C1orf35: variants seen among roughly 807,000 people sequenced by gnomAD.
C1orf35 encodes chromosome 1 open reading frame 35, also known as multiple myeloma tumor-associated protein 2.
In C1orf35, 36 loss-of-function variants were observed where a neutral mutation model predicts 30.9. That is an observed-to-expected ratio of 1.16 (90% CI 0.89 to 1.54). C1orf35 has a LOEUF of 1.54. Among genes scored for constraint, C1orf35 ranks in the 40% most tolerant of loss-of-function variants. The pLI, the probability that C1orf35 is intolerant of heterozygous loss-of-function variation, is 0.00. For missense variants in C1orf35, 396 were observed against 358.7 expected (o/e 1.10, Z -0.84); for synonymous variants, 179 against 148.2 (o/e 1.21, Z -1.51).
Position 228,101,599 on chromosome 1 carries a change from T to C in C1orf35, c.534-126A>G. The C allele has an allele frequency of 2.0e-6, 3 of 1,516,898 alleles. 1 individual carries two copies. The South Asian group carries it at 3.9e-5, about 20-fold the overall frequency. The allele number at this position is 1,516,898 out of a possible 1,614,324, so 94.0% of individuals were successfully genotyped here. A position where few individuals can be genotyped will look rare whatever the true frequency, so the allele number is the denominator to read the frequency against. ...CGTCTTTAAATCAGTTAAATCAAAC[T>C]ACAAATTCCACTCCTCAGTTACGTA... On this transcript the variant is annotated intron_variant, in intron 6 of 7. Transcript: ENST00000272139.
Position 228,100,883 on chromosome 1 carries a change from T to C in C1orf35, c.*248A>G, listed in dbSNP as rs190705272. On this transcript the variant is annotated 3_prime_UTR_variant, in exon 8 of 8. Coordinates refer to ENST00000272139, the MANE Select transcript of C1orf35 (RefSeq NM_024319.4). Reference sequence around the variant, plus strand: ...GGAGTCCAGCCTCTACTGATAAATCTGGGCAGGTTCACCTTCGCAGGCCAA... The same window carrying C: ...GGAGTCCAGCCTCTACTGATAAATCCGGGCAGGTTCACCTTCGCAGGCCAA... 2.5e-4 allele frequency: 144 copies of C among 567,324 alleles called. 3 individuals carry two copies. In the Middle Eastern group the frequency reaches 5.3e-3, roughly 21 times the overall value. The allele number at this position is 567,324 out of a possible 1,614,324, so 35.1% of individuals were successfully genotyped here. A position where few individuals can be genotyped will look rare whatever the true frequency, so the allele number is the denominator to read the frequency against.
At position 228,102,720 on chromosome 1, in the gene C1orf35, G is replaced by C. The variant is rs374296216; in HGVS notation, c.246-32C>G. The C allele has an allele frequency of 1.1e-5, 17 of 1,594,938 alleles. No homozygotes were observed. In the East Asian group the frequency reaches 2.7e-4, roughly 25 times the overall value. On this transcript the variant is annotated intron_variant, in intron 2 of 7. Coordinates refer to ENST00000272139, the MANE Select transcript of C1orf35 (RefSeq NM_024319.4). Reference sequence around the variant, plus strand: ...GAGGGCCGGGGCAGGCGTCAGGACGGACGGACCTCCTCCCACCACAGGTCC... The same window carrying C: ...GAGGGCCGGGGCAGGCGTCAGGACGCACGGACCTCCTCCCACCACAGGTCC...
Position 228,102,115 on chromosome 1 carries a change from C to G in C1orf35, c.498G>C (p.Arg166Ser). 6.3e-7 allele frequency: 1 copy of G among 1,582,324 alleles called. No homozygotes were observed. The highest frequency in any genetic ancestry group is 8.5e-7 in the Non-Finnish European group (1 of 1,172,062). ...GGPGTSAASA[R>S]RKPRAEDQTE... is the part of the protein sequence containing the mutation. ...TCTGATCCTCCGCCCGCGGCTTCCT[C>G]CTGGCCGAGGCTGCCGAGGTCCCGG... The change falls in exon 6 of 8, where the codon AGG (arginine) becomes AGC (serine). Residue 166 changes from arginine to serine, a missense_variant. Physicochemically the swap from Arg to Ser is moderately radical, Grantham distance 110. Coordinates refer to ENST00000272139, the MANE Select transcript of C1orf35 (RefSeq NM_024319.4).
intron 6 of C1orf35, 75 bp downstream of exon 6, chr1:228,102,005 C>T: frequency 2.1e-6 from 3 of 1,438,386 alleles, no homozygotes; most frequent in Non-Finnish European, 2.7e-6. Context: ...TGCCACCTGC[C>T]CGAGTGGGAG....
rs61825155 is a variant in C1orf35, at chr1:228,102,332, T to C, written c.425A>G (p.Lys142Arg). 22,168 of 1,611,494 alleles carry C rather than the reference T, an allele frequency of 0.014. 182 individuals carry two copies. Among genetic ancestry groups the C allele is most frequent in the Non-Finnish European group, 0.016 (18,936 of 1,179,684 alleles). Residue 142 changes from lysine to arginine, a missense_variant, in exon 5 of 8, where the codon AAA becomes AGA. Lys to Arg is a conservative substitution (Grantham distance 26). Transcript: ENST00000272139. ...AMSREDKEAAKLGLSVFTHHR... is the reference protein window; with the variant it reads ...AMSREDKEAARLGLSVFTHHR... ...TACCGTGAACACAGACAGCCCCAGT[T>C]TGGCGGCCTCCTTGTCCTCTCGGGA...
At chr1:228,101,577 C>T (rs916871672) in intron 6 of C1orf35, 104 bp from the exon 7 acceptor site, 2 of 1,542,452 alleles carry the variant, frequency 1.3e-6, no homozygotes, top group South Asian at 1.2e-5. Context: ...ACAAGTGCGT[C>T]TTTAAATCAG....
chr1:228,101,320 G>A lies in C1orf35; in HGVS notation c.668+19C>T, dbSNP rs373110538. On this transcript the variant is annotated intron_variant, in intron 7 of 7. Coordinates refer to ENST00000272139, the MANE Select transcript of C1orf35 (RefSeq NM_024319.4). ...ACCAGGCCCCCACCCCCAAGAGGCA[G>A]ATATGGACCAGGGCATACCTCTCAG... 17 of 1,614,092 alleles carry A rather than the reference G, an allele frequency of 1.1e-5. No homozygotes were observed. The South Asian group carries it at 1.6e-4, about 16-fold the overall frequency.
In C1orf35 at chr1:228,100,987, TA is replaced by T. The variant is rs1356284865; in HGVS notation, c.*143del. The T allele has an allele frequency of 8.1e-7, 1 of 1,238,292 alleles. No individual in the cohort carries two copies. The highest frequency in any genetic ancestry group is 2.2e-5 in the Admixed American group (1 of 45,018). The allele number at this position is 1,238,292 out of a possible 1,614,324, so 76.7% of individuals were successfully genotyped here. ...GCTCCAGAGCTAGCTGTCAAGTCTT[TA>T]GCCCCACAGGCTGGTGCCCAGAGCC... On this transcript the variant is annotated 3_prime_UTR_variant, in exon 8 of 8. Transcript: ENST00000272139.
chr1:228,101,974 G>A, intron 6 of C1orf35, 106 bp downstream of exon 6: 2 of 1,429,330 alleles, frequency 1.4e-6, no homozygotes, highest in Non-Finnish European at 9.1e-7. Flanking sequence ...CCACCCGCCG[G>A]GCCGGTGCGC....
At position 228,102,067 on chromosome 1, in the gene C1orf35, G is replaced by A. The variant is rs773046979; in HGVS notation, c.533+13C>T. On this transcript the variant is annotated intron_variant, in intron 6 of 7. Coordinates refer to ENST00000272139, the MANE Select transcript of C1orf35 (RefSeq NM_024319.4). ...ACCCCGGGGCACAGCTAGCCCAGGT[G>A]GCACAGCCTCACCTGCTTTCCGTCT... The A allele has an allele frequency of 6.4e-7, 1 of 1,551,844 alleles. No individual in the cohort carries two copies. Among genetic ancestry groups the A allele is most frequent in the Non-Finnish European group, 8.7e-7 (1 of 1,155,882 alleles).
Position 228,102,327 on chromosome 1 carries a change from C to A in C1orf35, c.430G>T (p.Gly144Trp). Residue 144 changes from glycine (G) to tryptophan (W), a missense_variant, in exon 5 of 8, where the codon GGG (glycine) becomes TGG (tryptophan). Physicochemically the swap from Gly to Trp is radical, Grantham distance 184 (BLOSUM62 -2). Transcript: ENST00000272139. ...GGGATTACCGTGAACACAGACAGCC[C>A]CAGTTTGGCGGCCTCCTTGTCCTCT... Reference protein sequence around the residue: ...SREDKEAAKLGLSVFTHHRVE... With the variant: ...SREDKEAAKLWLSVFTHHRVE... The A allele has an allele frequency of 3.7e-6, 6 of 1,611,652 alleles. No homozygotes were observed. The highest frequency in any genetic ancestry group is 1.1e-5 in the South Asian group (1 of 91,058).
chr1:228,102,994 C>A lies in C1orf35; in HGVS notation c.150G>T (p.Trp50Cys). Residue 50 changes from tryptophan (W) to cysteine (C), a missense_variant, in exon 2 of 8, where the codon TGG (tryptophan) becomes TGT (cysteine). Coordinates refer to ENST00000272139, the MANE Select transcript of C1orf35 (RefSeq NM_024319.4). ...GRWQKGRDLT[W>C]YAKGRAPCAG... ...CGCATGGCGCCCGGCCCTTGGCGTA[C>A]CAGGTGAGGTCGCGGCCCTTCTGCC... 1 of 1,553,832 alleles carries A rather than the reference C, an allele frequency of 6.4e-7. No homozygotes were observed. Among genetic ancestry groups the A allele is most frequent in the Non-Finnish European group, 8.7e-7 (1 of 1,154,346 alleles).
In C1orf35 at chr1:228,101,118, C is replaced by T; in HGVS notation, c.*13G>A. ...TTCAGGGTCCCACAACAGCAGTGAG[C>T]AGGGTCCAGCCATCAGGCCTCAGAG... On this transcript the variant is annotated 3_prime_UTR_variant, in exon 8 of 8. Coordinates refer to ENST00000272139, the MANE Select transcript of C1orf35 (RefSeq NM_024319.4). 2 of 1,611,770 alleles carry T rather than the reference C, an allele frequency of 1.2e-6. No individual in the cohort carries two copies. The highest frequency in any genetic ancestry group is 1.3e-5 in the African/African-American group (1 of 75,016).
rs777958484 is a variant in C1orf35 at position 228,102,704 on chromosome 1, G to C, written c.246-16C>G. On this transcript the variant is annotated splice_polypyrimidine_tract_variant and intron_variant, in intron 2 of 7. Coordinates refer to ENST00000272139, the MANE Select transcript of C1orf35 (RefSeq NM_024319.4). ...CTTGTAGCCACTGCGAGAGGGCCGGGGCAGGCGTCAGGACGGACGGACCTC... is the reference window on the plus strand; with the variant it reads ...CTTGTAGCCACTGCGAGAGGGCCGGCGCAGGCGTCAGGACGGACGGACCTC... 12 of 1,603,536 alleles carry C rather than the reference G, an allele frequency of 7.5e-6. No individual in the cohort carries two copies. Among genetic ancestry groups the C allele is most frequent in the African/African-American group, 1.3e-5 (1 of 74,590 alleles).
chr1:228,101,732 T>C lies in C1orf35; in HGVS notation c.534-259A>G, dbSNP rs887678091. ...TGCCCTTGGCAGGTTGACACCTTCC[T>C]ACCTGCACCCACCAGGCCACTCTTA... On this transcript the variant is annotated intron_variant, in intron 6 of 7. Transcript: ENST00000272139. 3.5e-6 allele frequency: 5 copies of C among 1,412,158 alleles called. No homozygotes were observed. The African/African-American group carries it at 7.2e-5, about 20-fold the overall frequency. The allele number at this position is 1,412,158 out of a possible 1,614,324, so 87.5% of individuals were successfully genotyped here.
Position 228,101,269 on chromosome 1 carries a change from G to A in C1orf35, c.669-15C>T. 6.2e-7 allele frequency: 1 copy of A among 1,614,132 alleles called. No homozygotes were observed. The highest frequency in any genetic ancestry group is 8.5e-7 in the Non-Finnish European group (1 of 1,180,026). ...GGTGCCTGGGCCTGGGGAGACCAAT[G>A]GCAGTCAGTCACTCGGAAGGAGTCA... On this transcript the variant is annotated splice_polypyrimidine_tract_variant and intron_variant, in intron 7 of 7. Coordinates refer to ENST00000272139, the MANE Select transcript of C1orf35 (RefSeq NM_024319.4).
At position 228,101,480 on chromosome 1, in the gene C1orf35, G is replaced by C. The variant is rs2032944983; in HGVS notation, c.534-7C>G. 6.2e-7 allele frequency: 1 copy of C among 1,611,132 alleles called. No homozygotes were observed. Among genetic ancestry groups the C allele is most frequent in the Admixed American group, 1.7e-5 (1 of 59,924 alleles). On this transcript the variant is annotated splice_polypyrimidine_tract_variant and splice_region_variant and intron_variant, in intron 6 of 7. Coordinates refer to ENST00000272139, the MANE Select transcript of C1orf35 (RefSeq NM_024319.4). ...TTTCCTGTGGCTCTCACAACTACAAGGAGGATACAAGGTGTGCCTCAGACC... is the reference window on the plus strand; with the variant it reads ...TTTCCTGTGGCTCTCACAACTACAACGAGGATACAAGGTGTGCCTCAGACC...
chr1:228,102,670 C>T lies in C1orf35; in HGVS notation c.264G>A (p.Lys88=). 6.2e-7 allele frequency: 1 copy of T among 1,609,068 alleles called. No individual in the cohort carries two copies. Among genetic ancestry groups the T allele is most frequent in the Non-Finnish European group, 8.5e-7 (1 of 1,178,724 alleles). ...LLAALGYKNV[K]KQPTGLSKED... is the part of the protein sequence containing the mutation. ...CCTTGCTCAGGCCCGTGGGCTGCTT[C>T]TTCACGTTCTTGTAGCCACTGCGAG... The change falls in exon 3 of 8, where the codon AAG becomes AAA. Residue 88 remains lysine (K), a synonymous_variant. Coordinates refer to ENST00000272139, the MANE Select transcript of C1orf35 (RefSeq NM_024319.4).
In C1orf35 at chr1:228,102,080, C is replaced by T; in HGVS notation, c.533G>A (p.Ser178Asn). The T allele has an allele frequency of 1.3e-6, 2 of 1,577,598 alleles. No individual in the cohort carries two copies. The highest frequency in any genetic ancestry group is 1.7e-6 in the Non-Finnish European group (2 of 1,169,568). ...GCTAGCCCAGGTGGCACAGCCTCAC[C>T]TGCTTTCCGTCTGATCCTCCGCCCG... Reference protein sequence around the residue: ...KPRAEDQTESSCESHRKSKKE... With the variant: ...KPRAEDQTESNCESHRKSKKE... Residue 178 changes from serine to asparagine, a missense_variant and splice_region_variant, in exon 6 of 8, where the codon AGT becomes AAT. Ser to Asn is a conservative substitution (Grantham distance 46). Transcript: ENST00000272139.
Sources: allele counts gnomAD v4.1 joint callset, GRCh38; gene constraint gnomAD v4.1.1; transcripts MANE v1.5; gene names NCBI Gene and HGNC (gene_info 2026-07-23, HGNC 2026-07-21).